Variants in GLRA3 observed in about 807,000 individuals in gnomAD.
GLRA3 encodes the protein glycine receptor subunit alpha-3.
GLRA3 carries 44 observed loss-of-function variants against 60.4 expected under a neutral mutation model. The observed-to-expected ratio is 0.73, with a 90% CI of 0.57 to 0.94. The LOEUF (loss-of-function observed/expected upper bound fraction) is 0.94, where lower values mean the gene tolerates loss of function less well. Ranked by LOEUF, GLRA3 falls within the 40% of genes least tolerant of loss-of-function variation. The pLI is 0.00. For synonymous variants in GLRA3, 223 were observed against 192.9 expected (o/e 1.16, Z -1.29); for missense variants, 508 against 564.6 (o/e 0.90, Z 1.02).
intron 1 of GLRA3, among the ~76,000 whole-genome samples, chr4:174,800,915 G>T (rs1579630403): frequency 6.8e-6 from 1 of 147,228 alleles, no homozygotes; most frequent in East Asian, 1.9e-4. Flanking sequence ...GATTACATCT[G>T]TTTTTTCTCT....
chr4:174,685,664 A>G (rs551218931), intron 5 of GLRA3, among the ~76,000 whole-genome samples: 1 of 152,346 alleles, frequency 6.6e-6, no homozygotes, highest in Admixed American at 6.5e-5. Flanking sequence ...TTTGATTGGT[A>G]ATAATAGAAA....
At chr4:174,817,614 A>T (rs567422579) in intron 1 of GLRA3, among the ~76,000 whole-genome samples, 2 of 152,134 alleles carry the variant, frequency 1.3e-5, no homozygotes, top group East Asian at 3.9e-4. Context: ...TTACTAATAT[A>T]TATACTTTTT....
intron 3 of GLRA3, among the ~76,000 whole-genome samples, chr4:174,740,326 C>T (rs1352611510): frequency 6.6e-6 from 1 of 152,108 alleles, no homozygotes; most frequent in Non-Finnish European, 1.5e-5. Context: ...ACACAGCTGG[C>T]TGCCATGTCA....
At chr4:174,728,960 C>T (rs889450671) in intron 3 of GLRA3, among the ~76,000 whole-genome samples, 3 of 152,140 alleles carry the variant, frequency 2.0e-5, no homozygotes, top group South Asian at 4.1e-4. Flanking sequence ...AGTTTTGGAT[C>T]TTATATACTG....
chr4:174,822,200 T>A (rs976419901), intron 1 of GLRA3, among the ~76,000 whole-genome samples: 3 of 152,200 alleles, frequency 2.0e-5, no homozygotes, highest in Non-Finnish European at 2.9e-5. Context: ...CTGCTTTGGA[T>A]GTAGCCATTG....
At chr4:174,662,762 A>G (rs1429682873) in intron 7 of GLRA3, among the ~76,000 whole-genome samples, 1 of 151,130 alleles carries the variant, frequency 6.6e-6, no homozygotes, top group East Asian at 1.9e-4. Flanking sequence ...TCAGAATCTC[A>G]TGGTACCTGT....
intron 2 of GLRA3, among the ~76,000 whole-genome samples, chr4:174,770,038 A>G (rs1461151384): frequency 6.6e-6 from 1 of 152,114 alleles, no homozygotes; most frequent in Admixed American, 6.6e-5. Context: ...ATTAGTTAGA[A>G]TGGTCTAAAA....
intron 9 of GLRA3, among the ~76,000 whole-genome samples, chr4:174,647,367 A>T (rs1362359617): frequency 1.3e-5 from 2 of 151,278 alleles, no homozygotes; most frequent in Non-Finnish European, 2.9e-5. Flanking sequence ...AGATCGCGCC[A>T]CTGCACTCCA....
intron 9 of GLRA3, among the ~76,000 whole-genome samples, chr4:174,648,767 G>A (rs1383370100): frequency 6.6e-6 from 1 of 152,058 alleles, no homozygotes. Flanking sequence ...CTGATGAGAA[G>A]AAAATCTAGG....
intron 2 of GLRA3, among the ~76,000 whole-genome samples, chr4:174,767,280 G>A (rs1738183107): frequency 6.6e-6 from 1 of 151,938 alleles, no homozygotes; most frequent in Non-Finnish European, 1.5e-5. Flanking sequence ...AAATCTAGAT[G>A]TCTCTAATGG....
chr4:174,806,091 T>G (rs1026499036), intron 1 of GLRA3, among the ~76,000 whole-genome samples: 1 of 152,170 alleles, frequency 6.6e-6, no homozygotes, highest in Non-Finnish European at 1.5e-5. Flanking sequence ...ATAACTCCTG[T>G]TCTTGTTCCT....
chr4:174,656,964 T>TA lies in GLRA3; in HGVS notation c.1072-178dup, dbSNP rs556566558. ...CTACCCCAACATACAAAACTGAACT[T>TA]AAAAAACCTTTTTTCTTCATTAAAT... On this transcript the variant is annotated intron_variant, in intron 8 of 9. Transcript: ENST00000274093. 2.6e-3 allele frequency among the ~76,000 whole-genome samples: 389 copies of TA among 152,256 alleles called. 4 individuals are homozygous for TA. The highest frequency in any genetic ancestry group is 8.8e-3 in the African/African-American group (368 of 41,584).
At chr4:174,720,913 A>C (rs1273464864) in intron 4 of GLRA3, among the ~76,000 whole-genome samples, 1 of 152,138 alleles carries the variant, frequency 6.6e-6, no homozygotes, top group Non-Finnish European at 1.5e-5. Flanking sequence ...TAGCTAAACA[A>C]AGGCTACCTC....
intron 1 of GLRA3, among the ~76,000 whole-genome samples, chr4:174,805,321 T>G (rs1739997764): frequency 6.6e-6 from 1 of 152,094 alleles, no homozygotes; most frequent in South Asian, 2.1e-4. Flanking sequence ...TTTGGCTGGG[T>G]AAAGTGACTT....
chr4:174,702,667 A>G (rs1735367892), intron 5 of GLRA3, among the ~76,000 whole-genome samples: 1 of 152,164 alleles, frequency 6.6e-6, no homozygotes, highest in Non-Finnish European at 1.5e-5. Context: ...TCCTGGGCTC[A>G]AGTGGTCCTT....
rs189746179 is a variant in GLRA3 at position 174,738,660 on chromosome 4, C to T, written c.268-9962G>A. Reference sequence around the variant, plus strand: ...TTCCACATTATAGTTTTGATCTGTTCGGAATCGATTGATATTTCTTTTCTC... The same window carrying T: ...TTCCACATTATAGTTTTGATCTGTTTGGAATCGATTGATATTTCTTTTCTC... On this transcript the variant is annotated intron_variant, in intron 3 of 9. Coordinates refer to ENST00000274093, the MANE Select transcript of GLRA3 (RefSeq NM_006529.4). Among the ~76,000 whole-genome samples, 24 of 152,188 alleles carry T rather than the reference C, an allele frequency of 1.6e-4. No individual in the cohort carries two copies. The East Asian group carries it at 4.1e-3, about 26-fold the overall frequency.
At chr4:174,809,731 T>A (rs1049814044) in intron 1 of GLRA3, among the ~76,000 whole-genome samples, 5 of 152,114 alleles carry the variant, frequency 3.3e-5, no homozygotes, top group African/African-American at 1.2e-4. Flanking sequence ...ACACTGTGTC[T>A]CAAAATTAAT....
rs1360527371 is a variant in GLRA3, at chr4:174,641,802, T to G, written c.*1984A>C. ...CTTTTGAAATAAGATGTGGAAAGTA[T>G]AGAAAAACGTATTCAGGTATTTCAG... On this transcript the variant is annotated 3_prime_UTR_variant, in exon 10 of 10. Transcript: ENST00000274093. 6.6e-6 allele frequency: 1 copy of G among 152,072 alleles called. No individual in the cohort carries two copies. The highest frequency in any genetic ancestry group is 1.5e-5 in the Non-Finnish European group (1 of 67,926). The allele number at this position is 152,072 out of a possible 1,614,324, so 9.4% of individuals were successfully genotyped here.
chr4:174,729,643 G>A (rs989509459), intron 3 of GLRA3, among the ~76,000 whole-genome samples: 22 of 152,162 alleles, frequency 1.4e-4, no homozygotes, highest in South Asian at 2.1e-4. Context: ...TATATACACA[G>A]TATATGAAAA....
Sources: allele counts gnomAD v4.1 joint callset (sites outside exome capture counted in the v4.1 genomes callset), GRCh38; gene constraint gnomAD v4.1.1; transcripts MANE v1.5; gene names NCBI Gene and HGNC (gene_info 2026-07-23, HGNC 2026-07-21).